Variants in AGBL3 observed in about 807,000 individuals in gnomAD.
The protein encoded by AGBL3 is AGBL carboxypeptidase 3.
AGBL3 carries 68 observed loss-of-function variants against 94.5 expected under a neutral mutation model. That is an observed-to-expected ratio of 0.72 (90% CI 0.59 to 0.88). AGBL3 has a LOEUF of 0.88. Among genes scored for constraint, AGBL3 ranks in the 40% least tolerant of loss-of-function variants. The probability of loss-of-function intolerance (pLI) is 0.00; values close to 1 mark genes in which losing one functional copy is unlikely to be tolerated. For missense variants in AGBL3, 934 were observed against 1,103.8 expected (o/e 0.85, Z 2.18); for synonymous variants, 354 against 370.7 (o/e 0.95, Z 0.52).
At chr7:135,084,617 A>G (rs1462679258) in intron 15 of AGBL3, among the ~76,000 whole-genome samples, 1 of 152,156 alleles carries the variant, frequency 6.6e-6, no homozygotes, top group Non-Finnish European at 1.5e-5. Context: ...TGGCTGGCTT[A>G]TTTCACTTAA....
Position 135,085,935 on chromosome 7 carries a change from G to A in AGBL3, c.2110+4145G>A, listed in dbSNP as rs185813067. ...TTGAATGAACAGATAACTTTGGATA[G>A]TATGGACATTTTCACAATATTAAGT... On this transcript the variant is annotated intron_variant, in intron 15 of 16. Coordinates refer to ENST00000436302, the MANE Select transcript of AGBL3 (RefSeq NM_178563.4). 3.3e-5 allele frequency among the ~76,000 whole-genome samples: 5 copies of A among 152,126 alleles called. No homozygotes were observed. In the East Asian group the frequency reaches 9.6e-4, roughly 29 times the overall value.
At position 135,000,995 on chromosome 7, in the gene AGBL3, A is replaced by G. The variant is rs190752885; in HGVS notation, c.310+7317A>G. On this transcript the variant is annotated intron_variant, in intron 4 of 16. Coordinates refer to ENST00000436302, the MANE Select transcript of AGBL3 (RefSeq NM_178563.4). ...AAAATCTGTCGGCTTGGACAATTCT[A>G]TAGGTTCCCATTTAGCCAGTATACT... is the stretch of plus-strand genomic sequence containing the variant. Among the ~76,000 whole-genome samples, 5 of 152,286 alleles carry G rather than the reference A, an allele frequency of 3.3e-5. 1 individual carries two copies. Among genetic ancestry groups the G allele is most frequent in the Admixed American group, 2.0e-4 (3 of 15,296 alleles).
chr7:135,109,516 G>T (rs895348168), intron 15 of AGBL3, among the ~76,000 whole-genome samples: 3 of 152,158 alleles, frequency 2.0e-5, no homozygotes, highest in Non-Finnish European at 2.9e-5. Context: ...AGTATGCTGG[G>T]GGTCTGCTCC....
At chr7:135,044,213 T>C (rs1817136141) in intron 9 of AGBL3, 62 bp downstream of exon 9, 1 of 1,477,478 alleles carries the variant, frequency 6.8e-7, no homozygotes, top group African/African-American at 1.4e-5. Context: ...TATAATTTAA[T>C]GTAAATGTAA....
intron 12 of AGBL3, among the ~76,000 whole-genome samples, chr7:135,067,201 C>T (rs1316675766): frequency 6.6e-6 from 1 of 152,234 alleles, no homozygotes; most frequent in African/African-American, 2.4e-5. Flanking sequence ...GGGCACCCAC[C>T]ATTGCCGAGG....
At chr7:135,018,007 C>T (rs2116235835) in intron 5 of AGBL3, among the ~76,000 whole-genome samples, 1 of 152,260 alleles carries the variant, frequency 6.6e-6, no homozygotes, top group African/African-American at 2.4e-5. Flanking sequence ...TGAGATGAAT[C>T]AGTCAGGGTC....
intron 13 of AGBL3, 142 bp from the exon 14 acceptor site, chr7:135,080,061 A>T (rs1563245356): frequency 5.1e-6 from 3 of 589,036 alleles, no homozygotes; most frequent in Middle Eastern, 4.7e-4. Flanking sequence ...GATTTATAAG[A>T]TAATTTTGGT....
chr7:135,100,342 G>A (rs1713639313), intron 15 of AGBL3, among the ~76,000 whole-genome samples: 1 of 152,050 alleles, frequency 6.6e-6, no homozygotes, highest in Non-Finnish European at 1.5e-5. Context: ...AGAAGAGAAT[G>A]GGAAGTCAAA....
At chr7:135,072,861 T>C (rs1462899777) in intron 12 of AGBL3, among the ~76,000 whole-genome samples, 3 of 151,928 alleles carry the variant, frequency 2.0e-5, no homozygotes, top group African/African-American at 7.3e-5. Flanking sequence ...CATGTATACA[T>C]ATGTAGCAAA....
intron 16 of AGBL3, among the ~76,000 whole-genome samples, chr7:135,121,474 A>G (rs1827115613): frequency 6.6e-6 from 1 of 152,122 alleles, no homozygotes; most frequent in Non-Finnish European, 1.5e-5. Flanking sequence ...CAACATATTT[A>G]AAAGAATTTA....
At chr7:135,031,905 C>G (rs956096420) in intron 5 of AGBL3, among the ~76,000 whole-genome samples, 4 of 152,182 alleles carry the variant, frequency 2.6e-5, no homozygotes, top group African/African-American at 9.7e-5. Context: ...ACTGGGTAGC[C>G]AAACCCTCAT....
intron 14 of AGBL3, among the ~76,000 whole-genome samples, chr7:135,080,742 C>CTT: frequency 1.2e-5 from 1 of 83,304 alleles, no homozygotes; most frequent in South Asian, 4.7e-4. Flanking sequence ...TCTAGCATCT[C>CTT]TGTTTTTTTT....
intron 15 of AGBL3, among the ~76,000 whole-genome samples, chr7:135,098,447 C>A (rs1483695678): frequency 2.0e-5 from 3 of 152,152 alleles, no homozygotes; most frequent in Non-Finnish European, 4.4e-5. Flanking sequence ...AAAGTCTGCA[C>A]GTGTTTGGTA....
chr7:134,996,370 G>A (rs1397374520), intron 4 of AGBL3, among the ~76,000 whole-genome samples: 1 of 152,114 alleles, frequency 6.6e-6, no homozygotes, highest in Non-Finnish European at 1.5e-5. Context: ...AAAACCATCA[G>A]TAAACAAACT....
At chr7:134,998,391 T>G (rs1811270934) in intron 4 of AGBL3, among the ~76,000 whole-genome samples, 1 of 152,214 alleles carries the variant, frequency 6.6e-6, no homozygotes, top group Admixed American at 6.5e-5. Flanking sequence ...GCTCTGAGCC[T>G]CTCTCAAAAC....
At chr7:135,046,470 A>T (rs1395371402) in intron 11 of AGBL3, among the ~76,000 whole-genome samples, 5 of 152,112 alleles carry the variant, frequency 3.3e-5, no homozygotes, top group Admixed American at 3.3e-4. Context: ...GAATCCACCT[A>T]TTCAACCATC....
At chr7:134,989,612 T>C (rs1355428518) in intron 3 of AGBL3, among the ~76,000 whole-genome samples, 1 of 152,224 alleles carries the variant, frequency 6.6e-6, no homozygotes, top group Non-Finnish European at 1.5e-5. Context: ...CAGATTATGT[T>C]AGAAGTACAT....
intron 15 of AGBL3, among the ~76,000 whole-genome samples, chr7:135,102,213 T>C (rs892325074): frequency 2.0e-5 from 3 of 152,188 alleles, no homozygotes; most frequent in Non-Finnish European, 4.4e-5. Context: ...AAATCTGTGA[T>C]TACTTAAATA....
Position 135,032,896 on chromosome 7 carries a change from T to C in AGBL3, c.471T>C (p.Pro157=), listed in dbSNP as rs1380933053. 6.4e-7 allele frequency: 1 copy of C among 1,551,468 alleles called. No homozygotes were observed. Among genetic ancestry groups the C allele is most frequent in the Non-Finnish European group, 8.7e-7 (1 of 1,146,852 alleles). The change falls in exon 6 of 17, where the codon CCT becomes CCC. Residue 157 remains proline, a synonymous_variant. Coordinates refer to ENST00000436302, the MANE Select transcript of AGBL3 (RefSeq NM_178563.4). ...CCCGAGTTGGGGGTAACCGAACACC[T>C]TTGAAGCAGCCTGTGGATTACCGTG... is the stretch of plus-strand genomic sequence containing the variant. ...VYSRVGGNRT[P]LKQPVDYRDN...
Sources: allele counts gnomAD v4.1 joint callset (sites outside exome capture counted in the v4.1 genomes callset), GRCh38; gene constraint gnomAD v4.1.1; transcripts MANE v1.5; gene names NCBI Gene and HGNC (gene_info 2026-07-23, HGNC 2026-07-21).